Variants in ADAMTS8 observed in about 807,000 individuals in gnomAD.
The protein encoded by ADAMTS8 is A disintegrin and metalloproteinase with thrombospondin motifs 8.
A neutral mutation model predicts 64.4 loss-of-function variants in ADAMTS8; 50 were observed. The observed-to-expected ratio is 0.78, with a 90% CI of 0.62 to 0.98. The LOEUF is 0.98. ADAMTS8 is among the 50% of genes least tolerant of loss of function. The probability of loss-of-function intolerance (pLI) is 0.00; values close to 1 mark genes in which losing one functional copy is unlikely to be tolerated. For synonymous variants in ADAMTS8, 556 were observed against 533.6 expected (o/e 1.04, Z -0.58); for missense variants, 1,192 against 1,208.2 (o/e 0.99, Z 0.20).
Position 130,414,763 on chromosome 11 carries a change from AGGGCCATGCG to A in ADAMTS8, c.1324_1333del (p.Arg442CysfsTer198). ...CCTGCACTGCTGGTCCAGCTGGTACAGGGCCATGCGGCCCGGGAGGCCTGTGGGGAGGGGC... is the reference window on the plus strand; with the variant it reads ...CCTGCACTGCTGGTCCAGCTGGTACAGCCCGGGAGGCCTGTGGGGAGGGGC... On this transcript the variant is annotated frameshift_variant, in exon 5 of 9. Transcript: ENST00000257359. LOFTEE classifies it high-confidence loss of function. 6.2e-7 allele frequency: 1 copy of A among 1,613,468 alleles called. No homozygotes were observed.
At chr11:130,406,677 G>T (rs563642916) in intron 8 of ADAMTS8, among the ~76,000 whole-genome samples, 30 of 152,290 alleles carry the variant, frequency 2.0e-4, no homozygotes, top group African/African-American at 7.0e-4. Flanking sequence ...TCAGGGTGGG[G>T]TTGGGAGTTG....
At chr11:130,414,902 G>T in intron 4 of ADAMTS8, 70 bp from the exon 5 acceptor site, 1 of 1,433,500 alleles carries the variant, frequency 7.0e-7, no homozygotes, top group Non-Finnish European at 9.3e-7. Flanking sequence ...TTCATGGCCT[G>T]TGATGGATGG....
chr11:130,425,975 C>T (rs1862161342), intron 1 of ADAMTS8, among the ~76,000 whole-genome samples: 2 of 152,150 alleles, frequency 1.3e-5, no homozygotes, highest in African/African-American at 2.4e-5. Context: ...AAGCCCTCTT[C>T]TCACCCCTCT....
chr11:130,428,087 C>G lies in ADAMTS8; in HGVS notation c.200G>C (p.Arg67Pro). The G allele has an allele frequency of 6.5e-7, 1 of 1,538,474 alleles. No individual in the cohort carries two copies. The highest frequency in any genetic ancestry group is 1.2e-5 in the South Asian group (1 of 84,104). ...TAGGAAGCTGTCGTCGGGCGCCAGG[C>G]GCAGCACGAAGCCCTTGCCGAAGGC... ...LSAFGKGFVL[R>P]LAPDDSFLAP... Residue 67 changes from arginine (R) to proline (P), a missense_variant, in exon 1 of 9, where the codon CGC becomes CCC. Physicochemically the swap from Arg to Pro is moderately radical, Grantham distance 103. Coordinates refer to ENST00000257359, the MANE Select transcript of ADAMTS8 (RefSeq NM_007037.6).
intron 6 of ADAMTS8, among the ~76,000 whole-genome samples, chr11:130,410,486 C>T (rs1861938930): frequency 6.6e-6 from 1 of 152,208 alleles, no homozygotes; most frequent in Non-Finnish European, 1.5e-5. Flanking sequence ...GCCAGGCAAA[C>T]TCTCATACAA....
chr11:130,406,217 G>A (rs1018901660), intron 8 of ADAMTS8, 89 bp from the exon 9 acceptor site: 2 of 1,464,634 alleles, frequency 1.4e-6, no homozygotes, highest in African/African-American at 1.4e-5. Context: ...GGGCACCCCA[G>A]GTGGCAGACA....
At chr11:130,409,218 A>T (rs770688204) in intron 6 of ADAMTS8, among the ~76,000 whole-genome samples, 1 of 152,148 alleles carries the variant, frequency 6.6e-6, no homozygotes, top group Non-Finnish European at 1.5e-5. Flanking sequence ...ACAGGTGAAT[A>T]AACGCAGGGA....
In ADAMTS8 at chr11:130,416,012, CG is replaced by C. The variant is rs1359264758; in HGVS notation, c.1264+150del. On this transcript the variant is annotated intron_variant, in intron 4 of 8. Coordinates refer to ENST00000257359, the MANE Select transcript of ADAMTS8 (RefSeq NM_007037.6). The surrounding 1 kb of genome is among the most constrained non-coding windows in gnomAD (Gnocchi z 4.8). The stretch of plus-strand genomic sequence containing the variant: ...AAGATGGGGCCAGAAGAGCAGACTT[CG>C]GGGGTGGTGTGAATGCCCCAGCGTG... The C allele has an allele frequency of 2.5e-5, 22 of 894,902 alleles. No homozygotes were observed. Among genetic ancestry groups the C allele is most frequent in the Middle Eastern group, 7.3e-4 (2 of 2,742 alleles). The allele number at this position is 894,902 out of a possible 1,614,324, so 55.4% of individuals were successfully genotyped here. A position where few individuals can be genotyped will look rare whatever the true frequency, so the allele number is the denominator to read the frequency against.
At chr11:130,417,499 C>A (rs1033289666) in intron 2 of ADAMTS8, among the ~76,000 whole-genome samples, 1 of 143,176 alleles carries the variant, frequency 7.0e-6, no homozygotes, top group Non-Finnish European at 1.5e-5. Flanking sequence ...TCGGACAATC[C>A]GGCTCCTTCG....
rs571861904 is a variant in ADAMTS8 at position 130,419,355 on chromosome 11, C to T, written c.721-63G>A. The T allele has an allele frequency of 3.5e-5, 56 of 1,599,776 alleles. No individual in the cohort carries two copies. The East Asian group carries it at 1.2e-3, about 34-fold the overall frequency. On this transcript the variant is annotated intron_variant, in intron 1 of 8. Coordinates refer to ENST00000257359, the MANE Select transcript of ADAMTS8 (RefSeq NM_007037.6). ...TTAAGTCTCAGGGCCCTTGGCCTGG[C>T]CTGTCCGCTGCCATCACCTCTTGTT...
At chr11:130,422,330 G>A (rs960271404) in intron 1 of ADAMTS8, among the ~76,000 whole-genome samples, 1 of 152,124 alleles carries the variant, frequency 6.6e-6, no homozygotes, top group Admixed American at 6.5e-5. Flanking sequence ...GCCCCTTTTG[G>A]TTCTTTGAGA....
rs922764983 is a variant in ADAMTS8, at chr11:130,412,750, T to C, written c.1567-1150A>G. Among the ~76,000 whole-genome samples the C allele has an allele frequency of 3.9e-5, 6 of 152,242 alleles. No homozygotes were observed. In the East Asian group the frequency reaches 1.2e-3, roughly 29 times the overall value. On this transcript the variant is annotated intron_variant, in intron 5 of 8. Coordinates refer to ENST00000257359, the MANE Select transcript of ADAMTS8 (RefSeq NM_007037.6). ...ACATGATTTTCACCAATATTTTTCATACTTTTGCTCTGAATATATCATCAT... is the reference window on the plus strand; with the variant it reads ...ACATGATTTTCACCAATATTTTTCACACTTTTGCTCTGAATATATCATCAT...
intron 8 of ADAMTS8, among the ~76,000 whole-genome samples, chr11:130,406,426 G>C (rs936142205): frequency 2.0e-5 from 3 of 152,230 alleles, no homozygotes; most frequent in African/African-American, 7.2e-5. Context: ...AACCCAGAAG[G>C]ATGTGGAAAG....
chr11:130,425,745 C>T (rs1330152973), intron 1 of ADAMTS8, among the ~76,000 whole-genome samples: 3 of 152,020 alleles, frequency 2.0e-5, no homozygotes, highest in Admixed American at 6.5e-5. Context: ...GGACTACAGG[C>T]GCCCACCACC....
rs761739030 is a variant in ADAMTS8 at position 130,417,009 on chromosome 11, G to C, written c.1027C>G (p.Pro343Ala). The change falls in exon 3 of 9, where the codon CCC becomes GCC. Residue 343 changes from proline to alanine, a missense_variant. Pro to Ala is a conservative substitution (Grantham distance 27, BLOSUM62 -1). Coordinates refer to ENST00000257359, the MANE Select transcript of ADAMTS8 (RefSeq NM_007037.6). ...GVADIGTICD[P>A]NKSCSVIEDE... ...TCGATCACGGAGCAGCTTTTGTTGG[G>C]GTCACAAATGGTCCCGATGTCTGCC... The C allele has an allele frequency of 1.2e-6, 2 of 1,614,056 alleles. No individual in the cohort carries two copies. The highest frequency in any genetic ancestry group is 2.2e-5 in the South Asian group (2 of 91,084).
intron 1 of ADAMTS8, 70 bp downstream of exon 1, chr11:130,427,497 A>ATTT (rs1261698321): frequency 1.6e-4 from 98 of 627,592 alleles, no homozygotes; most frequent in Non-Finnish European, 2.1e-4. Flanking sequence ...GGAAGGGGAG[A>ATTT]TTTTAGAGAC....
At chr11:130,407,136 G>A (rs1321028643) in intron 8 of ADAMTS8, among the ~76,000 whole-genome samples, 1 of 152,216 alleles carries the variant, frequency 6.6e-6, no homozygotes, top group African/African-American at 2.4e-5. Flanking sequence ...GGGAGGCCAA[G>A]GCGGGCGGAT....
At position 130,411,417 on chromosome 11, in the gene ADAMTS8, C is replaced by T. The variant is rs755129801; in HGVS notation, c.1750G>A (p.Gly584Arg). Residue 584 changes from glycine to arginine, a missense_variant and splice_region_variant, in exon 6 of 9, where the codon GGG becomes AGG. By Grantham distance (125) the Gly-to-Arg change is moderately radical. Coordinates refer to ENST00000257359, the MANE Select transcript of ADAMTS8 (RefSeq NM_007037.6). The surrounding 1 kb of genome is among the most constrained non-coding windows in gnomAD (Gnocchi z 4.2). ...AGGGGCGGCCCTGAGTGGTAATTAC[C>T]GTCAGGGGGGCATTCCTCCGTGTGG... Reference protein sequence around the residue: ...SCHTEECPPDGKSFREQQCEK... With the variant: ...SCHTEECPPDRKSFREQQCEK... 1.3e-5 allele frequency: 21 copies of T among 1,613,298 alleles called. No individual in the cohort carries two copies. Among genetic ancestry groups the T allele is most frequent in the South Asian group, 6.6e-5 (6 of 90,996 alleles).
In ADAMTS8 at chr11:130,405,731, G is replaced by A. The variant is rs752196725; in HGVS notation, c.2497C>T (p.His833Tyr). Residue 833 changes from histidine (H) to tyrosine (Y), a missense_variant, in exon 9 of 9, where the codon CAC becomes TAC. Transcript: ENST00000257359. The part of the protein sequence containing the change: ...ATTNIIQPLL[H>Y]AQWVLGDWSE... ...CAGTCCCCCAGCACCCACTGTGCGTGGAGCAGCGGCTGGATGATGTTGGTG... is the reference window on the plus strand; with the variant it reads ...CAGTCCCCCAGCACCCACTGTGCGTAGAGCAGCGGCTGGATGATGTTGGTG... The A allele has an allele frequency of 6.2e-7, 1 of 1,614,188 alleles. No individual in the cohort carries two copies. Among genetic ancestry groups the A allele is most frequent in the Non-Finnish European group, 8.5e-7 (1 of 1,180,034 alleles).
Sources: gnomAD v4.1 joint callset for allele counts (sites outside exome capture counted in the v4.1 genomes callset) on GRCh38, gnomAD v4.1.1 for gene constraint, Gnocchi (gnomAD v3.1) non-coding constraint, MANE v1.5 for transcripts, NCBI Gene and HGNC (gene_info 2026-07-23, HGNC 2026-07-21) for gene names.